The following MTRFR variants were observed in gnomAD, a reference collection of about 807,000 sequenced individuals.
MTRFR encodes mitochondrial translation release factor in rescue.
MTRFR carries 10 observed loss-of-function variants against 11.9 expected under a neutral mutation model. That is an observed-to-expected ratio of 0.84 (90% CI 0.52 to 1.42). The LOEUF is 1.42. Among genes scored for constraint, MTRFR ranks in the 40% most tolerant of loss-of-function variants. The pLI, the probability that MTRFR is intolerant of heterozygous loss-of-function variation, is 0.00. For synonymous variants in MTRFR, 77 were observed against 79.1 expected (o/e 0.97, Z 0.14); for missense variants, 196 against 197.9 (o/e 0.99, Z 0.06).
At chr12:123,247,928 G>C (rs893753195) in intron 1 of MTRFR, among the ~76,000 whole-genome samples, 4 of 151,942 alleles carry the variant, frequency 2.6e-5, no homozygotes, top group Non-Finnish European at 4.4e-5. Context: ...CTGGGCAACA[G>C]AGTGAGACTC....
At chr12:123,249,365 AG>A in intron 1 of MTRFR, 1 of 152,638 alleles carries the variant, frequency 6.6e-6, no homozygotes, top group Non-Finnish European at 1.5e-5. Context: ...GTTGCAGAGC[AG>A]GGGGCGGCGC....
intron 1 of MTRFR, among the ~76,000 whole-genome samples, chr12:123,236,630 T>G (rs10772998): frequency 0.64 from 97,043 of 151,934 alleles, 35,439 homozygotes; most frequent in East Asian, 1. Flanking sequence ...CTTTGGTTTG[T>G]ATATGTTTAA....
At chr12:123,254,088 C>T (rs2048152928) in intron 2 of MTRFR, 132 bp downstream of exon 2, 8 of 1,087,694 alleles carry the variant, frequency 7.4e-6, no homozygotes. Flanking sequence ...CTCTACCAGC[C>T]AGGCAGTAGA....
chr12:123,233,269 A>G (rs536961973), upstream of MTRFR: 95 of 152,104 alleles, frequency 6.2e-4, no homozygotes, highest in African/African-American at 2.2e-3. Flanking sequence ...GAGACATCCA[A>G]CCCCGGGGGA....
At chr12:123,246,943 ATGGTCTCAAT>A (rs1429165761) in intron 1 of MTRFR, among the ~76,000 whole-genome samples, 34 of 151,496 alleles carry the variant, frequency 2.2e-4, no homozygotes, top group Admixed American at 1.3e-3. Flanking sequence ...GTTAGCCAGG[ATGGTCTCAAT>A]CTCCCGACCT....
chr12:123,233,327 C>T (rs2047755918), upstream of MTRFR: 1 of 152,278 alleles, frequency 6.6e-6, no homozygotes, highest in South Asian at 2.1e-4. Flanking sequence ...CTGATTGGCT[C>T]TCTGGGAGCC....
intron 1 of MTRFR, chr12:123,243,791 CACTGT>C (rs554677367): frequency 6.6e-6 from 1 of 152,152 alleles, no homozygotes; most frequent in Non-Finnish European, 1.5e-5. Flanking sequence ...ATCTCAGTAT[CACTGT>C]ACTGGTTACT....
At chr12:123,246,709 ATTTTTTTTTTTTTTTTT>A (rs1157677577) in intron 1 of MTRFR, among the ~76,000 whole-genome samples, 23 of 53,516 alleles carry the variant, frequency 4.3e-4, no homozygotes, top group African/African-American at 1.6e-3. Context: ...TATAATTTCA[ATTTTTTTTTTTTTTTTT>A]TTTTTTTTTT....
At chr12:123,240,010 C>T (rs974191590) in intron 1 of MTRFR, among the ~76,000 whole-genome samples, 6 of 152,052 alleles carry the variant, frequency 3.9e-5, no homozygotes, top group African/African-American at 1.4e-4. Context: ...AGCACTTAGC[C>T]TTGCCATGGG....
At chr12:123,255,482 G>C (rs1451069628) in intron 2 of MTRFR, among the ~76,000 whole-genome samples, 2 of 151,672 alleles carry the variant, frequency 1.3e-5, no homozygotes, top group Non-Finnish European at 2.9e-5. Context: ...TAAGAGACAG[G>C]GTCTTGTTTT....
At chr12:123,255,951 G>C (rs139105279) in intron 2 of MTRFR, among the ~76,000 whole-genome samples, 24 of 152,242 alleles carry the variant, frequency 1.6e-4, no homozygotes, top group African/African-American at 5.1e-4. Flanking sequence ...TTTTGGTACA[G>C]ATGGGGGGTC....
chr12:123,234,528 C>T (rs562603432), intron 1 of MTRFR, among the ~76,000 whole-genome samples: 1 of 152,130 alleles, frequency 6.6e-6, no homozygotes, highest in East Asian at 1.9e-4. Flanking sequence ...CCCGAGTAGC[C>T]GGGAATACCG....
intron 1 of MTRFR, among the ~76,000 whole-genome samples, chr12:123,241,286 C>T (rs2047932750): frequency 6.6e-6 from 1 of 151,852 alleles, no homozygotes; most frequent in Non-Finnish European, 1.5e-5. Context: ...GCCATCACAC[C>T]CAGCATTATT....
In MTRFR at chr12:123,257,783, C is replaced by T. The variant is rs1049719945; in HGVS notation, c.*752C>T. On this transcript the variant is annotated 3_prime_UTR_variant, in exon 3 of 3. Transcript: ENST00000253233. ...GCTACTTCTAGAGGGAAGGAGTTGT[C>T]ATTGTGATGAGGCACTTGGAGGGGT... 1.3e-5 allele frequency: 2 copies of T among 152,262 alleles called. No individual in the cohort carries two copies. The highest frequency in any genetic ancestry group is 2.4e-5 in the African/African-American group (1 of 41,456). 9.4% of individuals were successfully genotyped at this position (152,262 alleles called of 1,614,324 possible).
chr12:123,237,041 C>T (rs1395994214), intron 1 of MTRFR, among the ~76,000 whole-genome samples: 6 of 151,712 alleles, frequency 4.0e-5, no homozygotes, highest in African/African-American at 1.5e-4. Context: ...GCTGAGATTG[C>T]GCCACTGCAG....
chr12:123,240,346 T>TA (rs558796452), intron 1 of MTRFR, among the ~76,000 whole-genome samples: 88 of 146,002 alleles, frequency 6.0e-4, no homozygotes, highest in South Asian at 2.6e-3. Flanking sequence ...AGACTCCGTC[T>TA]AAAAAAAAAA....
At chr12:123,253,285 G>A in intron 1 of MTRFR, 1 of 282,848 alleles carries the variant, frequency 3.5e-6, no homozygotes, top group Admixed American at 4.8e-5. Flanking sequence ...TGATCCACCT[G>A]CCTCGGCCTC....
In MTRFR at chr12:123,257,115, T is replaced by A; in HGVS notation, c.*84T>A. The A allele has an allele frequency of 9.8e-7, 1 of 1,021,048 alleles. No individual in the cohort carries two copies. Among genetic ancestry groups the A allele is most frequent in the Non-Finnish European group, 1.5e-6 (1 of 661,952 alleles). 63.2% of individuals were successfully genotyped at this position (1,021,048 alleles called of 1,614,324 possible). On this transcript the variant is annotated 3_prime_UTR_variant, in exon 3 of 3. Coordinates refer to ENST00000253233, the MANE Select transcript of MTRFR (RefSeq NM_152269.5). ...TGGCGAGTTCCATCACCAGCATTAT[T>A]ATAGTGCTTCAAAAGAAATATTTTT...
intron 2 of MTRFR, chr12:123,254,240 C>G (rs903178204): frequency 1.8e-5 from 8 of 437,196 alleles, no homozygotes; most frequent in Non-Finnish European, 2.9e-5. Flanking sequence ...AGCACTGGTG[C>G]TTGGCTGCTG....
Sources: gnomAD v4.1 joint callset for allele counts (sites outside exome capture counted in the v4.1 genomes callset) on GRCh38, gnomAD v4.1.1 for gene constraint, MANE v1.5 for transcripts, NCBI Gene and HGNC (gene_info 2026-07-23, HGNC 2026-07-21) for gene names.